The following PHF20 variants were observed in gnomAD, a reference collection of about 807,000 sequenced individuals.
PHF20 encodes glioma-expressed antigen 2.
PHF20 carries 23 observed loss-of-function variants against 113.5 expected under a neutral mutation model. The observed-to-expected ratio is 0.20, with a 90% CI of 0.15 to 0.29. The LOEUF (loss-of-function observed/expected upper bound fraction) is 0.29, where lower values mean the gene tolerates loss of function less well. Ranked by LOEUF, PHF20 falls within the 10% of genes least tolerant of loss-of-function variation. The pLI is 1.00. For synonymous variants in PHF20, 434 were observed against 457.3 expected (o/e 0.95, Z 0.65); for missense variants, 943 against 1,219.6 (o/e 0.77, Z 3.38).
chr20:35,942,975 C>T (rs1355816960), intron 17 of PHF20, among the ~76,000 whole-genome samples: 1 of 152,072 alleles, frequency 6.6e-6, no homozygotes, highest in Admixed American at 6.6e-5. Flanking sequence ...AGGTGCCCGC[C>T]ACCAGGCCCG....
At chr20:35,943,536 A>AATAT (rs754483441) in intron 17 of PHF20, among the ~76,000 whole-genome samples, 14 of 148,296 alleles carry the variant, frequency 9.4e-5, no homozygotes, top group African/African-American at 2.2e-4. Flanking sequence ...TATTATATGA[A>AATAT]ATATATATAT....
intron 9 of PHF20, among the ~76,000 whole-genome samples, chr20:35,891,082 G>T (rs1323397696): frequency 2.0e-5 from 3 of 152,052 alleles, no homozygotes; most frequent in African/African-American, 7.2e-5. Context: ...AGTAAAGAAT[G>T]CAGCACATTC....
intron 1 of PHF20, among the ~76,000 whole-genome samples, chr20:35,792,548 AC>A (rs1399840098): frequency 6.7e-6 from 1 of 149,708 alleles, no homozygotes; most frequent in African/African-American, 2.5e-5. Flanking sequence ...CTTCCTCCTT[AC>A]CTCTTCTGCC....
intron 12 of PHF20, among the ~76,000 whole-genome samples, chr20:35,916,112 A>G (rs1178120986): frequency 6.6e-6 from 1 of 152,198 alleles, no homozygotes; most frequent in Non-Finnish European, 1.5e-5. Context: ...ACTCTGGGAG[A>G]AAGAATGAGA....
chr20:35,900,526 T>C (rs1217650973), intron 10 of PHF20, among the ~76,000 whole-genome samples: 1 of 152,132 alleles, frequency 6.6e-6, no homozygotes, highest in African/African-American at 2.4e-5. Flanking sequence ...GTATGTGCTG[T>C]ATTATCCATT....
intron 5 of PHF20, among the ~76,000 whole-genome samples, chr20:35,859,746 CGTT>C (rs1321645466): frequency 6.6e-6 from 1 of 151,968 alleles, no homozygotes; most frequent in Non-Finnish European, 1.5e-5. Context: ...GGTTTCACCA[CGTT>C]GTCCAGGCTG....
At chr20:35,917,278 G>A in intron 12 of PHF20, 1 of 668,626 alleles carries the variant, frequency 1.5e-6, no homozygotes, top group Non-Finnish European at 2.8e-6. Context: ...AGGAAGTGGA[G>A]TTGAGTTCAC....
At chr20:35,892,075 C>T (rs779586783) in intron 9 of PHF20, among the ~76,000 whole-genome samples, 95 of 150,386 alleles carry the variant, frequency 6.3e-4, no homozygotes, top group Non-Finnish European at 1.0e-3. Context: ...TTTTTTTAAG[C>T]GGGGGACAGT....
At chr20:35,862,535 C>G (rs1163413277) in intron 5 of PHF20, among the ~76,000 whole-genome samples, 1 of 152,102 alleles carries the variant, frequency 6.6e-6, no homozygotes, top group African/African-American at 2.4e-5. Context: ...TGAGACCAGC[C>G]TGGGCAACAT....
intron 12 of PHF20, chr20:35,917,059 CAGCCTTTGTTTACAGAGTTT>C (rs1286450211): frequency 3.2e-6 from 1 of 308,848 alleles, no homozygotes; most frequent in East Asian, 8.0e-5. Flanking sequence ...CCACCATGCT[CAGCCTTTGTTTACAGAGTTT>C]TAAAGGTAGC....
rs144202799 is a variant in PHF20, at chr20:35,777,396, C to T, written c.-33+5317C>T. On this transcript the variant is annotated intron_variant, in intron 1 of 17. Coordinates refer to ENST00000374012, the MANE Select transcript of PHF20 (RefSeq NM_016436.5). Reference sequence around the variant, plus strand: ...GTATGAGATGTAATGTTTTTAGTCCCCTTCCCCAAGATCTCCTGTATCTGT... The same window carrying T: ...GTATGAGATGTAATGTTTTTAGTCCTCTTCCCCAAGATCTCCTGTATCTGT... 2.0e-3 allele frequency among the ~76,000 whole-genome samples: 307 copies of T among 152,278 alleles called. 6 individuals carry two copies. Among genetic ancestry groups the T allele is most frequent in the African/African-American group, 6.8e-3 (281 of 41,562 alleles).
intron 9 of PHF20, among the ~76,000 whole-genome samples, chr20:35,873,577 A>C (rs1600857257): frequency 6.9e-6 from 1 of 145,796 alleles, no homozygotes; most frequent in Non-Finnish European, 1.5e-5. Flanking sequence ...GAAGCGATTC[A>C]TCTGCTTCAG....
chr20:35,898,580 G>A (rs973013611), intron 9 of PHF20, among the ~76,000 whole-genome samples: 1 of 151,868 alleles, frequency 6.6e-6, no homozygotes, highest in Non-Finnish European at 1.5e-5. Flanking sequence ...AATTACAGAT[G>A]TGCTCCACCA....
At chr20:35,826,075 G>T (rs890506669) in intron 2 of PHF20, among the ~76,000 whole-genome samples, 1 of 151,848 alleles carries the variant, frequency 6.6e-6, no homozygotes, top group African/African-American at 2.4e-5. Flanking sequence ...AGACAGTTTC[G>T]CTCTTGTCCC....
intron 15 of PHF20, among the ~76,000 whole-genome samples, chr20:35,936,582 A>ATGTGCAC (rs2055869840): frequency 6.6e-6 from 1 of 152,204 alleles, no homozygotes; most frequent in East Asian, 1.9e-4. Context: ...TCTTTTCTTT[A>ATGTGCAC]ATAACAAACT....
intron 10 of PHF20, among the ~76,000 whole-genome samples, chr20:35,900,945 A>G (rs1424532341): frequency 6.6e-6 from 1 of 152,162 alleles, no homozygotes; most frequent in Non-Finnish European, 1.5e-5. Context: ...TGAGGTCAGG[A>G]CAGTAGTTAC....
chr20:35,776,565 C>T (rs562877129), intron 1 of PHF20, among the ~76,000 whole-genome samples: 1 of 152,062 alleles, frequency 6.6e-6, no homozygotes, highest in East Asian at 1.9e-4. Flanking sequence ...AGTGTTTTTC[C>T]TTTCTAAGTG....
chr20:35,824,208 C>T (rs2146907273), intron 2 of PHF20, among the ~76,000 whole-genome samples: 1 of 152,274 alleles, frequency 6.6e-6, no homozygotes, highest in East Asian at 1.9e-4. Context: ...ATGAGAATTC[C>T]AGTTGCTCTG....
At chr20:35,773,242 GTCCTC>G (rs2041100180) in intron 1 of PHF20, among the ~76,000 whole-genome samples, 1 of 152,150 alleles carries the variant, frequency 6.6e-6, no homozygotes, top group Admixed American at 6.5e-5. Flanking sequence ...CTTTTTGTGA[GTCCTC>G]TCATTTCCAG....
Sources: allele counts gnomAD v4.1 joint callset (sites outside exome capture counted in the v4.1 genomes callset), GRCh38; gene constraint gnomAD v4.1.1; transcripts MANE v1.5; gene names NCBI Gene and HGNC (gene_info 2026-07-23, HGNC 2026-07-21).